CIC: variants seen among roughly 807,000 people sequenced by gnomAD.
The protein encoded by CIC is capicua transcriptional repressor, also known as protein capicua homolog.
In CIC, 18 loss-of-function variants were observed where a neutral mutation model predicts 115.7. The observed-to-expected ratio is 0.16, with a 90% CI of 0.11 to 0.23. The LOEUF (loss-of-function observed/expected upper bound fraction) is 0.23, where lower values mean the gene tolerates loss of function less well. Ranked by LOEUF, CIC falls within the 10% of genes least tolerant of loss-of-function variation. CIC has a pLI of 1.00. For synonymous variants in CIC, 1,076 were observed against 923.0 expected, an observed-to-expected ratio of 1.17 and a Z score of -3.01; for missense variants, 2,000 against 2,159.3, an observed-to-expected ratio of 0.93 and a Z score of 1.46.
At chr19:42,281,777 G>A (rs991123152) in intron 2 of CIC, among the ~76,000 whole-genome samples, 62 of 147,602 alleles carry the variant, frequency 4.2e-4, no homozygotes, top group African/African-American at 1.4e-3. Flanking sequence ...ACCCTGCCCC[G>A]GACGGGGCCT....
At chr19:42,271,133 A>G (rs1337050045) in intron 1 of CIC, among the ~76,000 whole-genome samples, 1 of 151,744 alleles carries the variant, frequency 6.6e-6, no homozygotes, top group Non-Finnish European at 1.5e-5. Context: ...CCTTTTTGTG[A>G]CTTGGTACTT....
In CIC at chr19:42,292,983, C is replaced by T. The variant is rs1365764422; in HGVS notation, c.6224C>T (p.Ala2075Val). ...TAGSMTYSLV[A>V]PKAQRPSPKA... ...GGTTCCATGACCTACAGCTTAGTGG[C>T]CCCCAAGGCCCAGCGGCCCAGCCCG... Residue 2075 changes from alanine to valine, a missense_variant, in exon 16 of 21, where the codon GCC becomes GTC. Ala to Val is a moderately conservative substitution (Grantham distance 64). This residue lies in a region of CIC where 1,466 missense variants were observed against 1,390.4 expected (regional missense o/e 1.05). Transcript: ENST00000681038. 6.2e-7 allele frequency: 1 copy of T among 1,613,628 alleles called. No homozygotes were observed. Among genetic ancestry groups the T allele is most frequent in the Admixed American group, 1.7e-5 (1 of 60,014 alleles).
At chr19:42,288,019 C>T (rs772220851) in intron 7 of CIC, 44 bp downstream of exon 7, 68 of 1,553,908 alleles carry the variant, frequency 4.4e-5, no homozygotes, top group African/African-American at 9.5e-5. Context: ...CCTCCCTCCC[C>T]GAGAGCCACC....
At chr19:42,292,891 G>T (rs761991253) in intron 15 of CIC, 32 bp downstream of exon 15, 1 of 1,613,824 alleles carries the variant, frequency 6.2e-7, no homozygotes, top group Admixed American at 1.7e-5. Context: ...AGCAGAGTGA[G>T]TTGGGGGACC....
intron 2 of CIC, among the ~76,000 whole-genome samples, chr19:42,281,989 GACTC>G (rs141615377): frequency 4.0e-4 from 61 of 152,338 alleles, no homozygotes; most frequent in African/African-American, 1.4e-3. Flanking sequence ...GCCAGTAGGT[GACTC>G]ACTCACCGGT....
Position 42,273,792 on chromosome 19 carries a change from C to T in CIC, c.2009C>T (p.Ala670Val), listed in dbSNP as rs1165402475. ...SRHLSASTPKAGVLTPPDLGP... is the reference protein window; with the variant it reads ...SRHLSASTPKVGVLTPPDLGP... ...CACCTGAGCGCCAGCACCCCTAAGGCAGGCGTGCTGACGCCACCAGACCTG... is the reference window on the plus strand; with the variant it reads ...CACCTGAGCGCCAGCACCCCTAAGGTAGGCGTGCTGACGCCACCAGACCTG... The change falls in exon 2 of 21, where the codon GCA becomes GTA. Residue 670 changes from alanine (A) to valine (V), a missense_variant. Ala to Val is a moderately conservative substitution (Grantham distance 64, BLOSUM62 0). Transcript: ENST00000681038. 1.0e-5 allele frequency: 4 copies of T among 398,670 alleles called. No individual in the cohort carries two copies. The highest frequency in any genetic ancestry group is 1.8e-5 in the Non-Finnish European group (4 of 226,132). The allele number at this position is 398,670 out of a possible 1,614,324, so 24.7% of individuals were successfully genotyped here.
At chr19:42,293,401 C>T (rs1038574966) in intron 16 of CIC, 120 bp downstream of exon 16, 94 of 1,340,276 alleles carry the variant, frequency 7.0e-5, no homozygotes, top group African/African-American at 1.0e-4. Flanking sequence ...TTAAAGGGTC[C>T]CCTCTGTCCC....
intron 2 of CIC, among the ~76,000 whole-genome samples, chr19:42,282,819 C>T (rs907494819): frequency 2.0e-5 from 3 of 151,906 alleles, no homozygotes; most frequent in Non-Finnish European, 4.4e-5. Context: ...CATACAAGCT[C>T]CCAGCACACA....
chr19:42,282,987 G>A (rs751583089), intron 2 of CIC, among the ~76,000 whole-genome samples: 1 of 152,148 alleles, frequency 6.6e-6, no homozygotes, highest in Non-Finnish European at 1.5e-5. Flanking sequence ...GTCCAGAGTG[G>A]CCAATGAGTG....
At chr19:42,269,057 G>A (rs2036663386), upstream of CIC, among the ~76,000 whole-genome samples, 1 of 152,168 alleles carries the variant, frequency 6.6e-6, no homozygotes, top group Non-Finnish European at 1.5e-5. Flanking sequence ...TGTCGGTCCC[G>A]GAGGGAGGCC....
rs2037903760 is a variant in CIC at position 42,289,347 on chromosome 19, TGAC to T, written c.4031_4033del (p.Thr1344del). 2.5e-6 allele frequency: 4 copies of T among 1,613,376 alleles called. No individual in the cohort carries two copies. The highest frequency in any genetic ancestry group is 2.7e-5 in the African/African-American group (2 of 74,896). On this transcript the variant is annotated inframe_deletion, in exon 9 of 21. Coordinates refer to ENST00000681038, the MANE Select transcript of CIC (RefSeq NM_001386298.1). The stretch of plus-strand genomic sequence containing the variant: ...TCTCAGCGTGCGGCCAGTGAGGACA[TGAC>T]GAGTGATGAGGAGCGCATGGTCATC...
chr19:42,275,908 C>A (rs931676764), intron 2 of CIC, among the ~76,000 whole-genome samples: 8 of 152,244 alleles, frequency 5.3e-5, no homozygotes, highest in Admixed American at 3.3e-4. Context: ...GAGGACACAG[C>A]CCTACTTACA....
In CIC at chr19:42,290,722, G is replaced by C. The variant is rs770323488; in HGVS notation, c.4681G>C (p.Ala1561Pro). Reference protein sequence around the residue: ...GGGARVPSAPAPSLAYGAPAA... With the variant: ...GGGARVPSAPPPSLAYGAPAA... ...CGGAGCCAGAGTGCCCTCCGCCCCC[G>C]CCCCATCACTGGCCTATGGGGCCCC... The change falls in exon 11 of 21, where the codon GCC becomes CCC. Residue 1561 changes from alanine to proline, a missense_variant. Ala to Pro is a conservative substitution (Grantham distance 27). Around this residue, in one of 8 missense-constraint regions of CIC, gnomAD observed 1,466 missense variants for 1,390.4 expected, o/e 1.05. Transcript: ENST00000681038. 34 of 1,612,364 alleles carry C rather than the reference G, an allele frequency of 2.1e-5. No homozygotes were observed. Among genetic ancestry groups the C allele is most frequent in the Non-Finnish European group, 2.6e-5 (31 of 1,179,756 alleles).
At position 42,292,823 on chromosome 19, in the gene CIC, A is replaced by G; in HGVS notation, c.6160A>G (p.Thr2054Ala). Reference protein sequence around the residue: ...PKGPPAPATATPAPTSPFPSA... With the variant: ...PKGPPAPATAAPAPTSPFPSA... ...GGGCCCGCCAGCCCCTGCCACTGCCACCCCAGCCCCGACTAGCCCTTTCCC... is the reference window on the plus strand; with the variant it reads ...GGGCCCGCCAGCCCCTGCCACTGCCGCCCCAGCCCCGACTAGCCCTTTCCC... The change falls in exon 15 of 21, where the codon ACC becomes GCC. Residue 2054 changes from threonine (T) to alanine (A), a missense_variant. Transcript: ENST00000681038. The G allele has an allele frequency of 6.2e-7, 1 of 1,613,066 alleles. No homozygotes were observed. The highest frequency in any genetic ancestry group is 8.5e-7 in the Non-Finnish European group (1 of 1,179,808).
At chr19:42,294,565 G>A (rs748495672) in intron 19 of CIC, 39 bp from the exon 20 acceptor site, 17 of 1,611,238 alleles carry the variant, frequency 1.1e-5, no homozygotes, top group South Asian at 2.2e-5. Context: ...AGGCCCTGCC[G>A]CTGCTGCAGC....
intron 2 of CIC, among the ~76,000 whole-genome samples, chr19:42,275,380 G>T (rs1186757090): frequency 6.6e-6 from 1 of 152,224 alleles, no homozygotes; most frequent in Non-Finnish European, 1.5e-5. Context: ...AGGACAGGGC[G>T]TGTAAGCCAG....
Position 42,270,088 on chromosome 19 carries a change from T to C in CIC, c.-11+707T>C, listed in dbSNP as rs1310003999. ...GGTCTAGGGGTCCAGGCGGCATAGTTGTAGGCCCTGGGTGGGGTATGCAAA... is the reference window on the plus strand; with the variant it reads ...GGTCTAGGGGTCCAGGCGGCATAGTCGTAGGCCCTGGGTGGGGTATGCAAA... On this transcript the variant is annotated intron_variant, in intron 1 of 20. Coordinates refer to ENST00000681038, the MANE Select transcript of CIC (RefSeq NM_001386298.1). The surrounding 1 kb of genome is among the most constrained non-coding windows in gnomAD (Gnocchi z 4.1). Among the ~76,000 whole-genome samples the C allele has an allele frequency of 2.0e-5, 3 of 152,018 alleles. No individual in the cohort carries two copies. Among genetic ancestry groups the C allele is most frequent in the Non-Finnish European group, 4.4e-5 (3 of 67,966 alleles).
intron 2 of CIC, among the ~76,000 whole-genome samples, chr19:42,281,608 C>T (rs1437775501): frequency 6.6e-6 from 1 of 152,154 alleles, no homozygotes; most frequent in Non-Finnish European, 1.5e-5. Context: ...GGGATAGGAC[C>T]TGCTCCCTCC....
intron 3 of CIC, 21 bp downstream of exon 3, chr19:42,286,941 G>C (rs754388530): frequency 5.0e-6 from 8 of 1,609,394 alleles, no homozygotes; most frequent in Admixed American, 1.7e-5. Flanking sequence ...GTGGGGACTG[G>C]GGGGAGGCAA....
Sources: gnomAD v4.1 joint callset for allele counts (sites outside exome capture counted in the v4.1 genomes callset) on GRCh38, gnomAD v4.1.1 for gene constraint, gnomAD v4.1.1 regional missense constraint, Gnocchi (gnomAD v3.1) non-coding constraint, MANE v1.5 for transcripts, NCBI Gene and HGNC (gene_info 2026-07-23, HGNC 2026-07-21) for gene names.